COL19A1: variants seen among roughly 807,000 people sequenced by gnomAD.
COL19A1 encodes the protein collagen alpha-1(XIX) chain.
Under a neutral mutation model 190.2 loss-of-function variants are expected in COL19A1, and 159 were observed. That is an observed-to-expected ratio of 0.84 (90% CI 0.73 to 0.95). The LOEUF (loss-of-function observed/expected upper bound fraction) is 0.95, where lower values mean the gene tolerates loss of function less well. Among genes scored for constraint, COL19A1 ranks in the 40% least tolerant of loss-of-function variants. The pLI is 0.00. For missense variants in COL19A1, 1,418 were observed against 1,431.9 expected (o/e 0.99, Z 0.16); for synonymous variants, 509 against 458.9 (o/e 1.11, Z -1.39).
intron 16 of COL19A1, among the ~76,000 whole-genome samples, chr6:70,117,626 T>C (rs1260080261): frequency 6.6e-6 from 1 of 152,226 alleles, no homozygotes; most frequent in Non-Finnish European, 1.5e-5. Flanking sequence ...ACCAGGTTTA[T>C]AGGCCTCTCA....
chr6:69,964,637 G>A (rs1774991028), intron 11 of COL19A1, among the ~76,000 whole-genome samples: 1 of 152,116 alleles, frequency 6.6e-6, no homozygotes, highest in Non-Finnish European at 1.5e-5. Context: ...GATTTTCCTT[G>A]TGGTTCCACA....
chr6:70,178,661 C>T (rs1185457517), intron 42 of COL19A1, among the ~76,000 whole-genome samples: 3 of 151,672 alleles, frequency 2.0e-5, no homozygotes, highest in African/African-American at 4.8e-5. Flanking sequence ...AATTTTTTTT[C>T]GAAAAATGGT....
At chr6:69,878,537 A>G (rs558812565) in intron 1 of COL19A1, among the ~76,000 whole-genome samples, 1 of 152,264 alleles carries the variant, frequency 6.6e-6, no homozygotes, top group South Asian at 2.1e-4. Context: ...TTAAAAGACA[A>G]AATAGCAAGC....
At chr6:70,081,891 C>A (rs948525231) in intron 15 of COL19A1, among the ~76,000 whole-genome samples, 7 of 152,008 alleles carry the variant, frequency 4.6e-5, no homozygotes, top group Non-Finnish European at 7.4e-5. Context: ...TAAATAATGT[C>A]AATATTTCTA....
Position 70,023,510 on chromosome 6 carries a change from C to G in COL19A1, c.1027-117C>G, listed in dbSNP as rs1778553715. The G allele has an allele frequency of 5.2e-6, 4 of 772,456 alleles. No individual in the cohort carries two copies. The Admixed American group carries it at 1.2e-4, about 23-fold the overall frequency. The allele number at this position is 772,456 out of a possible 1,614,324, so 47.9% of individuals were successfully genotyped here. On this transcript the variant is annotated intron_variant, in intron 11 of 50. Transcript: ENST00000620364. Reference sequence around the variant, plus strand: ...ATTGTTTTTTAATAAACGTGCCTTTCAAGGGTTTAGCAAAGTAATCATATT... The same window carrying G: ...ATTGTTTTTTAATAAACGTGCCTTTGAAGGGTTTAGCAAAGTAATCATATT...
chr6:70,047,861 T>C (rs1294332183), intron 14 of COL19A1, among the ~76,000 whole-genome samples: 1 of 152,106 alleles, frequency 6.6e-6, no homozygotes, highest in Admixed American at 6.6e-5. Context: ...CCTTTTCTCT[T>C]CCAGTCTTTG....
chr6:70,104,632 T>C (rs1485841205), intron 16 of COL19A1, among the ~76,000 whole-genome samples: 2 of 152,198 alleles, frequency 1.3e-5, no homozygotes, highest in Non-Finnish European at 2.9e-5. Flanking sequence ...TCAGTTTTGT[T>C]GATTTTTATT....
chr6:70,163,249 C>A, intron 35 of COL19A1, 94 bp from the exon 36 acceptor site: 12 of 1,084,554 alleles, frequency 1.1e-5, no homozygotes, highest in Non-Finnish European at 2.7e-6. Context: ...GATCAAATGA[C>A]CTTCAAAATG....
intron 9 of COL19A1, among the ~76,000 whole-genome samples, chr6:69,950,532 T>C (rs1194571485): frequency 1.3e-5 from 2 of 151,848 alleles, no homozygotes. Flanking sequence ...AAATCAGTTC[T>C]GTGTAGCAGT....
intron 11 of COL19A1, among the ~76,000 whole-genome samples, chr6:69,987,973 AATT>A (rs1264472529): frequency 6.6e-6 from 1 of 152,228 alleles, no homozygotes; most frequent in Non-Finnish European, 1.5e-5. Context: ...TAAGAAAGAT[AATT>A]ATTTGGACCC....
chr6:69,982,987 A>AATAC (rs1475816192), intron 11 of COL19A1, among the ~76,000 whole-genome samples: 1 of 144,780 alleles, frequency 6.9e-6, no homozygotes, highest in East Asian at 2.0e-4. Context: ...TAAATAAATA[A>AATAC]ATAAATAAAT....
chr6:69,939,832 T>C (rs1773353479), intron 9 of COL19A1, among the ~76,000 whole-genome samples: 1 of 152,142 alleles, frequency 6.6e-6, no homozygotes, highest in African/African-American at 2.4e-5. Flanking sequence ...ACATAAGTTT[T>C]CTTATCTGCA....
At position 70,204,171 on chromosome 6, in the gene COL19A1, A is replaced by T. The variant is rs1767722752; in HGVS notation, c.3224-2730A>T. Among the ~76,000 whole-genome samples the T allele has an allele frequency of 1.3e-5, 2 of 152,110 alleles. 1 individual carries two copies. The highest frequency in any genetic ancestry group is 4.1e-4 in the South Asian group (2 of 4,826). On this transcript the variant is annotated intron_variant, in intron 49 of 50. Coordinates refer to ENST00000620364, the MANE Select transcript of COL19A1 (RefSeq NM_001858.6). Reference sequence around the variant, plus strand: ...CCACTGTGCCTTGCCCATCCTGTAGACTTATCGTATATGGAAATACATGTC... The same window carrying T: ...CCACTGTGCCTTGCCCATCCTGTAGTCTTATCGTATATGGAAATACATGTC...
chr6:70,044,681 C>G (rs760545929), intron 14 of COL19A1, among the ~76,000 whole-genome samples: 1 of 152,138 alleles, frequency 6.6e-6, no homozygotes, highest in Non-Finnish European at 1.5e-5. Context: ...CATACATTCT[C>G]TCTCTCTTCC....
At chr6:69,888,356 T>C (rs539922818) in intron 2 of COL19A1, among the ~76,000 whole-genome samples, 1 of 152,328 alleles carries the variant, frequency 6.6e-6, no homozygotes, top group South Asian at 2.1e-4. Flanking sequence ...GTTGGGCTTC[T>C]GGGTTTCCTT....
intron 18 of COL19A1, among the ~76,000 whole-genome samples, chr6:70,133,017 A>G (rs1252828574): frequency 6.6e-6 from 1 of 152,104 alleles, no homozygotes; most frequent in African/African-American, 2.4e-5. Flanking sequence ...TTTTCTATTC[A>G]CCCATCTCAA....
At position 70,150,028 on chromosome 6, in the gene COL19A1, G is replaced by T. The variant is rs569985115; in HGVS notation, c.2020G>T (p.Gly674Cys). 6.2e-7 allele frequency: 1 copy of T among 1,613,768 alleles called. No homozygotes were observed. The highest frequency in any genetic ancestry group is 1.3e-5 in the African/African-American group (1 of 75,000). ...PGRDGKPGLP[G>C]PPGDPIALPL... ...GAGAGATGGAAAGCCAGGCCTGCCA[G>T]GCCCCCCAGGTGACCCGGTATGTAG... The change falls in exon 30 of 51, where the codon GGC becomes TGC. Residue 674 changes from glycine (G) to cysteine (C), a missense_variant. By Grantham distance (159) the Gly-to-Cys change is radical. Coordinates refer to ENST00000620364, the MANE Select transcript of COL19A1 (RefSeq NM_001858.6).
Position 70,210,552 on chromosome 6 carries a change from T to G in COL19A1, c.*3278T>G, listed in dbSNP as rs1397843420. Among the ~76,000 whole-genome samples the G allele has an allele frequency of 6.6e-6, 1 of 152,192 alleles. No homozygotes were observed. Among genetic ancestry groups the G allele is most frequent in the Non-Finnish European group, 1.5e-5 (1 of 68,002 alleles). ...TAAAATACGTTGTCTGTGAAAATTA[T>G]CATTTGATATTTGGCTTATAAAGTA... is the stretch of plus-strand genomic sequence containing the variant. On this transcript the variant is annotated 3_prime_UTR_variant, in exon 51 of 51. Transcript: ENST00000620364.
In COL19A1 at chr6:70,130,195, A is replaced by G; in HGVS notation, c.1355A>G (p.His452Arg). The G allele has an allele frequency of 6.2e-7, 1 of 1,612,026 alleles. No individual in the cohort carries two copies. The highest frequency in any genetic ancestry group is 1.1e-5 in the South Asian group (1 of 90,262). ...YNKDNKGNDE[H>R]EAGGLKGDKG... The stretch of plus-strand genomic sequence containing the variant: ...TTTCACCCCTAGGGAAATGATGAAC[A>G]TGAAGCTGGAGGCCTGAAAGGAGAC... Residue 452 changes from histidine (H) to arginine (R), a missense_variant, in exon 18 of 51, where the codon CAT (histidine) becomes CGT (arginine). Coordinates refer to ENST00000620364, the MANE Select transcript of COL19A1 (RefSeq NM_001858.6).
Sources: allele counts gnomAD v4.1 joint callset (sites outside exome capture counted in the v4.1 genomes callset), GRCh38; gene constraint gnomAD v4.1.1; transcripts MANE v1.5; gene names NCBI Gene and HGNC (gene_info 2026-07-23, HGNC 2026-07-21).